Variants in DIP2B observed in about 807,000 individuals in gnomAD.
DIP2B encodes the protein disco-interacting protein 2 homolog B.
Under a neutral mutation model 198.0 loss-of-function variants are expected in DIP2B, and 76 were observed. That is an observed-to-expected ratio of 0.38 (90% CI 0.32 to 0.46). The LOEUF (loss-of-function observed/expected upper bound fraction) is 0.46. DIP2B is among the 20% of genes least tolerant of loss of function. The pLI, the probability that DIP2B is intolerant of heterozygous loss-of-function variation, is 0.99. For missense variants in DIP2B, 1,559 were observed against 1,978.4 expected, an observed-to-expected ratio of 0.79 and a Z score of 4.02; for synonymous variants, 701 against 739.1, an observed-to-expected ratio of 0.95 and a Z score of 0.84.
intron 22 of DIP2B, among the ~76,000 whole-genome samples, chr12:50,713,781 G>A (rs191920493): frequency 9.7e-4 from 113 of 116,128 alleles, no homozygotes; most frequent in African/African-American, 3.4e-3. Flanking sequence ...TCACTTAAGA[G>A]AGAACATATT....
intron 23 of DIP2B, among the ~76,000 whole-genome samples, chr12:50,715,293 T>C (rs1273894328): frequency 1.3e-5 from 2 of 152,186 alleles, no homozygotes; most frequent in African/African-American, 4.8e-5. Flanking sequence ...ATTTACTTTT[T>C]ACTCATGGAA....
chr12:50,521,902 C>T (rs1958123587), intron 1 of DIP2B, among the ~76,000 whole-genome samples: 1 of 152,072 alleles, frequency 6.6e-6, no homozygotes, highest in African/African-American at 2.4e-5. Context: ...CTTGGCCTCC[C>T]AGAGTGTTGA....
At chr12:50,705,948 ATTAT>A (rs904407164) in intron 20 of DIP2B, among the ~76,000 whole-genome samples, 11 of 152,354 alleles carry the variant, frequency 7.2e-5, no homozygotes, top group African/African-American at 2.6e-4. Flanking sequence ...GTCTGGGAAG[ATTAT>A]TTATACAGTG....
intron 1 of DIP2B, among the ~76,000 whole-genome samples, chr12:50,623,193 G>A (rs1289515915): frequency 1.3e-5 from 2 of 151,724 alleles, no homozygotes; most frequent in Admixed American, 6.6e-5. Flanking sequence ...AGACCAGCCC[G>A]GGCAACAAAG....
At chr12:50,558,353 T>A (rs1186303649) in intron 1 of DIP2B, among the ~76,000 whole-genome samples, 5 of 152,252 alleles carry the variant, frequency 3.3e-5, no homozygotes, top group Non-Finnish European at 7.3e-5. Flanking sequence ...GCAGCAGTGC[T>A]GGTTGAAGAT....
intron 1 of DIP2B, among the ~76,000 whole-genome samples, chr12:50,618,456 CTG>C (rs1937743347): frequency 1.3e-5 from 2 of 152,344 alleles, no homozygotes; most frequent in Middle Eastern, 3.4e-3. Context: ...GTTTGATAAA[CTG>C]TGCATTCACC....
intron 1 of DIP2B, among the ~76,000 whole-genome samples, chr12:50,524,926 A>G (rs1046625829): frequency 1.9e-4 from 29 of 152,074 alleles, no homozygotes; most frequent in Admixed American, 8.5e-4. Context: ...GGGTCTTGCC[A>G]TGTTTCCCAG....
chr12:50,524,077 A>G (rs1024900570), intron 1 of DIP2B, among the ~76,000 whole-genome samples: 2 of 152,224 alleles, frequency 1.3e-5, no homozygotes, highest in Non-Finnish European at 2.9e-5. Context: ...GAAAGGCCAT[A>G]AATTGATAAC....
chr12:50,719,238 A>G lies in DIP2B; in HGVS notation c.3042+203A>G, dbSNP rs1281075483. Among the ~76,000 whole-genome samples the G allele has an allele frequency of 3.3e-5, 5 of 152,302 alleles. No individual in the cohort carries two copies. In the East Asian group the frequency reaches 7.7e-4, roughly 23 times the overall value. ...GAGACCTCCTGGAGTGCTATGTAAT[A>G]CTTTCTTTTCTTATGGTACAATCAC... is the stretch of plus-strand genomic sequence containing the variant. On this transcript the variant is annotated intron_variant, in intron 25 of 37. Transcript: ENST00000301180.
In DIP2B at chr12:50,580,183, C is replaced by T. The variant is rs886364346; in HGVS notation, c.101-45793C>T. On this transcript the variant is annotated intron_variant, in intron 1 of 37. Coordinates refer to ENST00000301180, the MANE Select transcript of DIP2B (RefSeq NM_173602.3). Reference sequence around the variant, plus strand: ...TCCTTCTGAAGAAGTCTTTAGGGCTCCAGGACAGGAGAGACTCTTAGGCTA... The same window carrying T: ...TCCTTCTGAAGAAGTCTTTAGGGCTTCAGGACAGGAGAGACTCTTAGGCTA... Among the ~76,000 whole-genome samples, 2 of 148,794 alleles carry T rather than the reference C, an allele frequency of 1.3e-5. 1 individual carries two copies. Among genetic ancestry groups the T allele is most frequent in the Non-Finnish European group, 2.9e-5 (2 of 67,842 alleles).
At chr12:50,523,431 T>C (rs1045861493) in intron 1 of DIP2B, among the ~76,000 whole-genome samples, 5 of 152,190 alleles carry the variant, frequency 3.3e-5, no homozygotes, top group African/African-American at 1.2e-4. Context: ...TCCATGGATG[T>C]GGAACCCAAA....
At chr12:50,516,950 C>T (rs141736802) in intron 1 of DIP2B, among the ~76,000 whole-genome samples, 1,569 of 151,710 alleles carry the variant, frequency 0.01, 22 homozygotes, top group South Asian at 0.05. Context: ...GAGCCAAGAT[C>T]GTGCCACTGC....
At chr12:50,712,669 G>C (rs1427683070) in intron 22 of DIP2B, among the ~76,000 whole-genome samples, 1 of 152,136 alleles carries the variant, frequency 6.6e-6, no homozygotes. Flanking sequence ...AGCACTTTGG[G>C]AGGCCGAGGC....
chr12:50,714,697 T>C (rs1171766740), intron 23 of DIP2B, 101 bp downstream of exon 23: 15 of 1,435,256 alleles, frequency 1.0e-5, no homozygotes, highest in Non-Finnish European at 1.4e-5. Context: ...ACAAAGACTT[T>C]GGGAGGCCAA....
At chr12:50,635,585 G>A (rs1938146481) in intron 2 of DIP2B, among the ~76,000 whole-genome samples, 1 of 152,070 alleles carries the variant, frequency 6.6e-6, no homozygotes. Context: ...TCCTTTCATC[G>A]CAGTTCTTCT....
At position 50,747,331 on chromosome 12, in the gene DIP2B, G is replaced by C. The variant is rs1592153163; in HGVS notation, c.*2492G>C. On this transcript the variant is annotated 3_prime_UTR_variant, in exon 38 of 38. Transcript: ENST00000301180. ...ACTTAGAGGCTGATTATCTAGTTTTGTAGTTCCTCAGGCCTCTAATTTATT... is the reference window on the plus strand; with the variant it reads ...ACTTAGAGGCTGATTATCTAGTTTTCTAGTTCCTCAGGCCTCTAATTTATT... The C allele has an allele frequency of 6.6e-6, 1 of 152,112 alleles. No individual in the cohort carries two copies. The highest frequency in any genetic ancestry group is 2.4e-5 in the African/African-American group (1 of 41,386). The allele number at this position is 152,112 out of a possible 1,614,324, so 9.4% of individuals were successfully genotyped here. A position where few individuals can be genotyped will look rare whatever the true frequency, so the allele number is the denominator to read the frequency against.
At chr12:50,516,377 C>T in intron 1 of DIP2B, among the ~76,000 whole-genome samples, 1 of 152,098 alleles carries the variant, frequency 6.6e-6, no homozygotes, top group East Asian at 1.9e-4. Context: ...ACCTCAGCCT[C>T]CCAAGTAGCT....
intron 1 of DIP2B, among the ~76,000 whole-genome samples, chr12:50,546,674 A>G (rs1443270259): frequency 6.6e-6 from 1 of 152,218 alleles, no homozygotes; most frequent in Non-Finnish European, 1.5e-5. Flanking sequence ...ATTGCCTTGC[A>G]GATAGATAAT....
chr12:50,664,830 G>GTTTTTTTTTTTTTTTTTTTTTTTTTT lies in DIP2B; in HGVS notation c.427+4516_427+4517insTTTTTTTTTTTTTTTTTTTTTTTTTT, dbSNP rs1205734576. Among the ~76,000 whole-genome samples, 2 of 99,686 alleles carry GTTTTTTTTTTTTTTTTTTTTTTTTTT rather than the reference G, an allele frequency of 2.0e-5. 1 individual carries two copies. Among genetic ancestry groups the GTTTTTTTTTTTTTTTTTTTTTTTTTT allele is most frequent in the Non-Finnish European group, 3.7e-5 (2 of 53,994 alleles). 65.4% of individuals were successfully genotyped at this position (99,686 alleles called of 152,430 possible). ...CAAGGAGAATTTCCCTCCTTTTTTG[G>GTTTTTTTTTTTTTTTTTTTTTTTTTT]TTTTTGTTTTTTTTTTTTTTTTTTT... On this transcript the variant is annotated intron_variant, in intron 4 of 37. Coordinates refer to ENST00000301180, the MANE Select transcript of DIP2B (RefSeq NM_173602.3).
Sources: gnomAD v4.1 joint callset for allele counts (sites outside exome capture counted in the v4.1 genomes callset) on GRCh38, gnomAD v4.1.1 for gene constraint, MANE v1.5 for transcripts, NCBI Gene and HGNC (gene_info 2026-07-23, HGNC 2026-07-21) for gene names.